The following DSTYK variants were observed in gnomAD, a reference collection of about 807,000 sequenced individuals.
DSTYK encodes dual serine/threonine and tyrosine protein kinase, also known as RIP-homologous kinase.
DSTYK carries 34 observed loss-of-function variants against 98.7 expected under a neutral mutation model. The observed-to-expected ratio is 0.34, with a 90% CI of 0.26 to 0.46. The LOEUF is 0.46. Ranked by LOEUF, DSTYK falls within the 20% of genes least tolerant of loss-of-function variation. DSTYK has a pLI of 1.00. For missense variants in DSTYK, 962 were observed against 1,181.7 expected (o/e 0.81, Z 2.73); for synonymous variants, 462 against 457.3 (o/e 1.01, Z -0.13).
chr1:205,202,540 A>G, intron 1 of DSTYK: 2 of 907,402 alleles, frequency 2.2e-6, no homozygotes, highest in East Asian at 2.4e-5. Flanking sequence ...TGGGCATATC[A>G]AAGTGAACAA....
At chr1:205,164,492 C>T (rs1045954837) in intron 3 of DSTYK, among the ~76,000 whole-genome samples, 2 of 146,498 alleles carry the variant, frequency 1.4e-5, no homozygotes, top group African/African-American at 2.5e-5. Context: ...GACGGAGTCT[C>T]GCTGTGTCGC....
chr1:205,172,835 A>G (rs907313625), intron 2 of DSTYK, among the ~76,000 whole-genome samples: 1 of 152,144 alleles, frequency 6.6e-6, no homozygotes, highest in Admixed American at 6.6e-5. Context: ...CAAGCCAAGA[A>G]GAAATTTGCT....
intron 1 of DSTYK, among the ~76,000 whole-genome samples, chr1:205,209,592 A>G (rs1235782605): frequency 2.0e-5 from 3 of 148,294 alleles, no homozygotes; most frequent in Non-Finnish European, 4.5e-5. Flanking sequence ...AGGAATTTAA[A>G]AAGCCTTATT....
chr1:205,161,348 C>T lies in DSTYK; in HGVS notation c.1858G>A (p.Asp620Asn). ...GHSGRLEKTE[D>N]LWLRVRKDHA... is the part of the protein sequence containing the mutation. ...TCTTTCCGAACCCTCAGCCATAGAT[C>T]TTCCGTTTTCTCTAACCGGCCTGAG... The change falls in exon 7 of 13, where the codon GAT becomes AAT. Residue 620 changes from aspartate (D) to asparagine (N), a missense_variant. By Grantham distance (23) the Asp-to-Asn change is conservative. Transcript: ENST00000367162. The T allele has an allele frequency of 6.2e-7, 1 of 1,614,200 alleles. No individual in the cohort carries two copies. Among genetic ancestry groups the T allele is most frequent in the Non-Finnish European group, 8.5e-7 (1 of 1,180,006 alleles).
At chr1:205,200,463 T>C (rs1658995819) in intron 1 of DSTYK, among the ~76,000 whole-genome samples, 1 of 152,080 alleles carries the variant, frequency 6.6e-6, no homozygotes, top group Non-Finnish European at 1.5e-5. Flanking sequence ...TGTGAGCCAC[T>C]GCGTCCGGCC....
chr1:205,206,349 G>A (rs1035824782), intron 1 of DSTYK, among the ~76,000 whole-genome samples: 6 of 150,912 alleles, frequency 4.0e-5, no homozygotes, highest in African/African-American at 1.2e-4. Flanking sequence ...GTGCAATCTC[G>A]GCTCACCAAA....
At chr1:205,202,781 A>T (rs1295381409) in intron 1 of DSTYK, 20 of 603,782 alleles carry the variant, frequency 3.3e-5, no homozygotes, top group South Asian at 1.3e-4. Flanking sequence ...ATATTTTTTT[A>T]AAAAAAGGAA....
Position 205,204,402 on chromosome 1 carries a change from C to T in DSTYK, c.265+6869G>A, listed in dbSNP as rs528451007. Among the ~76,000 whole-genome samples the T allele has an allele frequency of 3.6e-4, 55 of 152,080 alleles. No individual in the cohort carries two copies. The South Asian group carries it at 0.011, about 30-fold the overall frequency. On this transcript the variant is annotated intron_variant, in intron 1 of 12. Transcript: ENST00000367162. Reference sequence around the variant, plus strand: ...TGTCCCACATTCCATCTTTCTGTTCCTCTCATTCTTCTGCGAACCCCATGT... The same window carrying T: ...TGTCCCACATTCCATCTTTCTGTTCTTCTCATTCTTCTGCGAACCCCATGT...
At chr1:205,192,614 C>T (rs1195603381) in intron 1 of DSTYK, among the ~76,000 whole-genome samples, 2 of 151,882 alleles carry the variant, frequency 1.3e-5, no homozygotes, top group Admixed American at 6.6e-5. Flanking sequence ...GTAATCTCAG[C>T]ACTTTGGGAG....
intron 3 of DSTYK, among the ~76,000 whole-genome samples, chr1:205,166,303 A>G (rs1657888043): frequency 6.6e-6 from 1 of 152,240 alleles, no homozygotes; most frequent in South Asian, 2.1e-4. Flanking sequence ...AAGTGTGAAT[A>G]TCATGATACC....
intron 1 of DSTYK, among the ~76,000 whole-genome samples, chr1:205,203,987 G>A (rs1401053057): frequency 1.3e-5 from 2 of 152,250 alleles, no homozygotes; most frequent in South Asian, 2.1e-4. Context: ...AGGAAGATTC[G>A]GAAGGAGAAA....
Position 205,187,434 on chromosome 1 carries a change from T to G in DSTYK, c.638A>C (p.His213Pro). The G allele has an allele frequency of 6.2e-7, 1 of 1,611,614 alleles. No individual in the cohort carries two copies. Among genetic ancestry groups the G allele is most frequent in the Non-Finnish European group, 8.5e-7 (1 of 1,178,252 alleles). ...GATTGGTACCTGTAAGAGAGCATGG[T>G]GCATCGTTACCTCCAGTTCCGCTAA... is the stretch of plus-strand genomic sequence containing the variant. ...HVLAELEVTM[H>P]HALLQEVDVV... Residue 213 changes from histidine (H) to proline (P), a missense_variant, in exon 2 of 13, where the codon CAC becomes CCC. Around this residue, in one of 4 missense-constraint regions of DSTYK, gnomAD observed 660 missense variants for 855.0 expected, o/e 0.77. Coordinates refer to ENST00000367162, the MANE Select transcript of DSTYK (RefSeq NM_015375.3).
chr1:205,186,351 C>A (rs765789186), intron 2 of DSTYK, among the ~76,000 whole-genome samples: 3 of 152,160 alleles, frequency 2.0e-5, no homozygotes, highest in African/African-American at 7.2e-5. Context: ...TACATAGCCC[C>A]CTGTGGCATT....
intron 1 of DSTYK, among the ~76,000 whole-genome samples, chr1:205,200,084 T>A (rs1658982069): frequency 6.6e-6 from 1 of 152,178 alleles, no homozygotes; most frequent in East Asian, 1.9e-4. Flanking sequence ...TCACCTTGGC[T>A]GGAGTGCAGT....
At position 205,169,181 on chromosome 1, in the gene DSTYK, T is replaced by C; in HGVS notation, c.1306A>G (p.Thr436Ala). The C allele has an allele frequency of 6.2e-7, 1 of 1,600,966 alleles. No homozygotes were observed. The highest frequency in any genetic ancestry group is 8.5e-7 in the Non-Finnish European group (1 of 1,173,230). The change falls in exon 3 of 13, where the codon ACT becomes GCT. Residue 436 changes from threonine (T) to alanine (A), a missense_variant. Thr to Ala is a moderately conservative substitution (Grantham distance 58). This residue lies in a region of DSTYK where 660 missense variants were observed against 855.0 expected (regional missense o/e 0.77). Transcript: ENST00000367162. This position sits in a 1 kb window ranked among gnomAD's most constrained non-coding sequence, Gnocchi z 4.0. ...TMKEELLDDA[T>A]NMEFKDVIVP... ...GACCTACCTTTAAACTCCATGTTAGTAGCATCATCCAGAAGTTCCTCCTTC... is the reference window on the plus strand; with the variant it reads ...GACCTACCTTTAAACTCCATGTTAGCAGCATCATCCAGAAGTTCCTCCTTC...
At chr1:205,163,995 G>T in intron 3 of DSTYK, 40 bp from the exon 4 acceptor site, 1 of 1,544,106 alleles carries the variant, frequency 6.5e-7, no homozygotes. Context: ...TTGTGAGGAA[G>T]AAGGGGCAGA....
chr1:205,211,312 C>G lies in DSTYK; in HGVS notation c.224G>C (p.Arg75Pro). 6.2e-7 allele frequency: 1 copy of G among 1,610,012 alleles called. No homozygotes were observed. The highest frequency in any genetic ancestry group is 8.5e-7 in the Non-Finnish European group (1 of 1,178,488). ...TTCGGCGACATCGCCTGCAGGGCCG[C>G]GCTCGGCCCCGCCGCCGCCCGTGAG... ...SSLTGGGGAE[R>P]GPAGDVAETG... Residue 75 changes from arginine to proline, a missense_variant, in exon 1 of 13, where the codon CGC becomes CCC. Physicochemically the swap from Arg to Pro is moderately radical, Grantham distance 103 (BLOSUM62 -2). This residue lies in a region of DSTYK where 168 missense variants were observed against 120.0 expected (regional missense o/e 1.40). Transcript: ENST00000367162.
Position 205,180,690 on chromosome 1 carries a change from C to T in DSTYK, c.654+6728G>A, listed in dbSNP as rs143394696. Among the ~76,000 whole-genome samples the T allele has an allele frequency of 9.3e-4, 141 of 152,270 alleles. 3 individuals are homozygous for T. The East Asian group carries it at 0.024, about 25-fold the overall frequency. Reference sequence around the variant, plus strand: ...TTGTTGCCCAGGCTGGTCTCAAACTCCTGAACTCAAGCGCTCTGCCTGCCT... The same window carrying T: ...TTGTTGCCCAGGCTGGTCTCAAACTTCTGAACTCAAGCGCTCTGCCTGCCT... On this transcript the variant is annotated intron_variant, in intron 2 of 12. Transcript: ENST00000367162.
At chr1:205,200,398 T>C (rs1658994133) in intron 1 of DSTYK, among the ~76,000 whole-genome samples, 1 of 152,146 alleles carries the variant, frequency 6.6e-6, no homozygotes, top group Non-Finnish European at 1.5e-5. Flanking sequence ...GGTCTTGAAC[T>C]CCTCACCGCA....
Sources: gnomAD v4.1 joint callset for allele counts (sites outside exome capture counted in the v4.1 genomes callset) on GRCh38, gnomAD v4.1.1 for gene constraint, gnomAD v4.1.1 regional missense constraint, Gnocchi (gnomAD v3.1) non-coding constraint, MANE v1.5 for transcripts, NCBI Gene and HGNC (gene_info 2026-07-23, HGNC 2026-07-21) for gene names.